Variants in XRN1 observed in about 807,000 individuals in gnomAD.
XRN1 encodes 5'-3' exoribonuclease 1.
XRN1 carries 67 observed loss-of-function variants against 222.3 expected under a neutral mutation model. The observed-to-expected ratio is 0.30, with a 90% CI of 0.25 to 0.37. XRN1 has a LOEUF of 0.37. Among genes scored for constraint, XRN1 ranks in the 10% least tolerant of loss-of-function variants. The pLI, the probability that XRN1 is intolerant of heterozygous loss-of-function variation, is 1.00. For synonymous variants in XRN1, 643 were observed against 652.4 expected, an observed-to-expected ratio of 0.99 and a Z score of 0.22; for missense variants, 1,707 against 2,000.2, an observed-to-expected ratio of 0.85 and a Z score of 2.80.
intron 24 of XRN1, 30 bp from the exon 25 acceptor site, chr3:142,375,974 G>GCACA (rs66486380): frequency 0.28 from 398,026 of 1,435,906 alleles, 14,006 homozygotes; most frequent in Middle Eastern, 0.29. Flanking sequence ...GCGCACACGT[G>GCACA]CACACACACA....
chr3:142,330,597 T>G (rs79575647), intron 36 of XRN1, among the ~76,000 whole-genome samples: 98 of 149,092 alleles, frequency 6.6e-4, no homozygotes, highest in Admixed American at 1.2e-3. Flanking sequence ...CTATGAGTTT[T>G]TTTTTTTTTT....
intron 1 of XRN1, among the ~76,000 whole-genome samples, chr3:142,444,938 TCTATATG>T (rs1451025321): frequency 2.0e-5 from 3 of 152,250 alleles, no homozygotes; most frequent in African/African-American, 4.8e-5. Context: ...AATATGCATT[TCTATATG>T]CTATATGCTA....
At chr3:142,341,412 A>T (rs1478735864) in intron 33 of XRN1, among the ~76,000 whole-genome samples, 1 of 152,088 alleles carries the variant, frequency 6.6e-6, no homozygotes, top group East Asian at 1.9e-4. Context: ...CAAATAACAA[A>T]GTGGCAGGAG....
intron 15 of XRN1, among the ~76,000 whole-genome samples, chr3:142,406,834 G>A (rs1289956935): frequency 6.6e-6 from 1 of 152,102 alleles, no homozygotes; most frequent in Non-Finnish European, 1.5e-5. Context: ...ATTTCAGCTG[G>A]AGGATGAGCA....
intron 33 of XRN1, among the ~76,000 whole-genome samples, chr3:142,346,430 G>A (rs2066144746): frequency 6.6e-6 from 1 of 151,846 alleles, no homozygotes; most frequent in South Asian, 2.1e-4. Context: ...GTATTGTTTA[G>A]GGGAATAATA....
At chr3:142,371,147 A>AG in intron 26 of XRN1, 92 bp downstream of exon 26, 1 of 984,818 alleles carries the variant, frequency 1.0e-6, no homozygotes, top group East Asian at 2.7e-5. Context: ...AAAAAAAAAA[A>AG]GTAATATGAA....
At chr3:142,394,097 G>A (rs951682604) in intron 20 of XRN1, among the ~76,000 whole-genome samples, 3 of 152,136 alleles carry the variant, frequency 2.0e-5, no homozygotes, top group Non-Finnish European at 4.4e-5. Context: ...AAAGTGCTGG[G>A]ATTACAGTCA....
At chr3:142,434,510 C>CT (rs371969192) in intron 1 of XRN1, among the ~76,000 whole-genome samples, 2,407 of 130,630 alleles carry the variant, frequency 0.018, 27 homozygotes, top group African/African-American at 0.038. Flanking sequence ...TTTTTTTACA[C>CT]TTTTTTTTTT....
At chr3:142,350,515 G>A (rs1349162872) in intron 32 of XRN1, among the ~76,000 whole-genome samples, 1 of 152,136 alleles carries the variant, frequency 6.6e-6, no homozygotes, top group Non-Finnish European at 1.5e-5. Context: ...AATCAGTGGA[G>A]GGTTTTGAGC....
intron 2 of XRN1, among the ~76,000 whole-genome samples, chr3:142,432,355 A>G (rs1320435804): frequency 1.3e-5 from 2 of 150,116 alleles, no homozygotes; most frequent in African/African-American, 4.9e-5. Context: ...GGGGAGGCAG[A>G]TATTACAGTG....
intron 20 of XRN1, among the ~76,000 whole-genome samples, chr3:142,392,176 C>T (rs1379751050): frequency 1.3e-5 from 2 of 152,068 alleles, no homozygotes; most frequent in African/African-American, 4.8e-5. Context: ...CCCACTGAGA[C>T]CTCAAAATCT....
At chr3:142,384,036 C>T (rs1357578719) in intron 21 of XRN1, among the ~76,000 whole-genome samples, 2 of 151,816 alleles carry the variant, frequency 1.3e-5, no homozygotes, top group African/African-American at 4.8e-5. Context: ...TTTGGGAGGC[C>T]GAGGTGGGTG....
chr3:142,414,458 T>C (rs1577394101), intron 13 of XRN1, 167 bp from the exon 14 acceptor site: 2 of 500,414 alleles, frequency 4.0e-6, no homozygotes. Context: ...TGTTGGAAAA[T>C]TTAGGTCATC....
At chr3:142,327,192 C>T (rs1447605557) in intron 37 of XRN1, among the ~76,000 whole-genome samples, 1 of 152,114 alleles carries the variant, frequency 6.6e-6, no homozygotes, top group African/African-American at 2.4e-5. Flanking sequence ...ATTAGCTCTT[C>T]TTTCAGCGTT....
rs1577405136 is a variant in XRN1, at chr3:142,419,874, G to A, written c.1174-993C>T. On this transcript the variant is annotated intron_variant, in intron 10 of 40. Transcript: ENST00000392981. ...AGAGAGGCTGAAGAATTTTTCACAA[G>A]AGGTTTACTTTTCAAGTTAACACAA... 4.0e-5 allele frequency among the ~76,000 whole-genome samples: 6 copies of A among 151,426 alleles called. No individual in the cohort carries two copies. The South Asian group carries it at 1.0e-3, about 26-fold the overall frequency.
At chr3:142,338,165 C>T (rs2065897730) in intron 33 of XRN1, among the ~76,000 whole-genome samples, 1 of 152,202 alleles carries the variant, frequency 6.6e-6, no homozygotes, top group South Asian at 2.1e-4. Flanking sequence ...CACCACTTCC[C>T]CAACTCCCCC....
chr3:142,422,556 T>A, intron 8 of XRN1, 26 bp downstream of exon 8: 1 of 1,606,506 alleles, frequency 6.2e-7, no homozygotes, highest in Non-Finnish European at 8.5e-7. Context: ...TAAAGTATCC[T>A]CGAGAGATTA....
chr3:142,418,453 G>T, intron 12 of XRN1, 51 bp downstream of exon 12: 1 of 1,432,914 alleles, frequency 7.0e-7, no homozygotes, highest in South Asian at 1.3e-5. Context: ...CTGAATAACT[G>T]CAAAATCTAA....
chr3:142,422,840 A>T lies in XRN1; in HGVS notation c.793T>A (p.Leu265Ile). 13 of 1,607,874 alleles carry T rather than the reference A, an allele frequency of 8.1e-6. No homozygotes were observed. The highest frequency in any genetic ancestry group is 1.1e-5 in the Non-Finnish European group (13 of 1,176,498). Residue 265 changes from leucine to isoleucine, a missense_variant, in exon 7 of 41, where the codon TTA becomes ATA. Physicochemically the swap from Leu to Ile is conservative, Grantham distance 5. Transcript: ENST00000392981. The stretch of plus-strand genomic sequence containing the variant: ...ATGGCTTTATTAATACTTACTTTTA[A>T]TACTGAAAACTCATAGTCAATATAC... ...REYIDYEFSVLKEKITFKYDI... is the reference protein window; with the variant it reads ...REYIDYEFSVIKEKITFKYDI...
Sources: gnomAD v4.1 joint callset for allele counts (sites outside exome capture counted in the v4.1 genomes callset) on GRCh38, gnomAD v4.1.1 for gene constraint, MANE v1.5 for transcripts, NCBI Gene and HGNC (gene_info 2026-07-23, HGNC 2026-07-21) for gene names.